Variants in DISP2 observed in about 807,000 individuals in gnomAD.
DISP2 encodes dispatched RND transporter family member 2, also known as protein dispatched homolog 2.
Under a neutral mutation model 95.5 loss-of-function variants are expected in DISP2, and 59 were observed. That is an observed-to-expected ratio of 0.62 (90% CI 0.50 to 0.77). DISP2 has a LOEUF of 0.77. Among genes scored for constraint, DISP2 ranks in the 30% least tolerant of loss-of-function variants. DISP2 has a pLI of 0.00. For missense variants in DISP2, 1,752 were observed against 1,854.6 expected (o/e 0.94, Z 1.02); for synonymous variants, 827 against 815.0 (o/e 1.01, Z -0.25).
At chr15:40,366,798 C>T (rs1889503454) in intron 7 of DISP2, among the ~76,000 whole-genome samples, 1 of 152,152 alleles carries the variant, frequency 6.6e-6, no homozygotes, top group African/African-American at 2.4e-5. Flanking sequence ...CTACAGGGGC[C>T]CTTACAGCAG....
rs1329999683 is a variant in DISP2 at position 40,358,263 on chromosome 15, G to A, written c.-59G>A. The stretch of plus-strand genomic sequence containing the variant: ...CGCCGCTGCCGCCGCCACCGCCGCC[G>A]CCGCCGCCGCCGCCGCGGCTTCAGC... On this transcript the variant is annotated 5_prime_UTR_variant, in exon 1 of 8. Transcript: ENST00000267889. 4 of 1,174,432 alleles carry A rather than the reference G, an allele frequency of 3.4e-6. No homozygotes were observed. The highest frequency in any genetic ancestry group is 7.6e-5 in the East Asian group (2 of 26,254). 72.8% of individuals were successfully genotyped at this position (1,174,432 alleles called of 1,614,324 possible). A position where few individuals can be genotyped will look rare whatever the true frequency, so the allele number is the denominator to read the frequency against.
chr15:40,374,014 A>AAAAAAAAAAAAAAAAAAAAATAT lies in DISP2; in HGVS notation c.*3697_*3698insAAAAAAAAAAAAAAAAAAATATA. 1.9e-5 allele frequency: 2 copies of AAAAAAAAAAAAAAAAAAAAATAT among 104,196 alleles called. No homozygotes were observed. Among genetic ancestry groups the AAAAAAAAAAAAAAAAAAAAATAT allele is most frequent in the African/African-American group, 8.4e-5 (2 of 23,942 alleles). 6.5% of individuals were successfully genotyped at this position (104,196 alleles called of 1,614,324 possible). A position where few individuals can be genotyped will look rare whatever the true frequency, so the allele number is the denominator to read the frequency against. ...GCGAGACTCCATCTTAAAAAAAAAAAATATATATATATATATATGTAAACT... is the reference window on the plus strand; with the variant it reads ...GCGAGACTCCATCTTAAAAAAAAAAAAAAAAAAAAAAAAAAAAAAATATATATATATATATATATATGTAAACT... On this transcript the variant is annotated 3_prime_UTR_variant, in exon 8 of 8. Coordinates refer to ENST00000267889, the MANE Select transcript of DISP2 (RefSeq NM_033510.3).
chr15:40,365,708 C>G lies in DISP2; in HGVS notation c.928C>G (p.Arg310Gly). ...CCTGCATGCCATCCATTCCATGTGT[C>G]GCATGGAACAGGACCAGGTGAGCTG... The part of the protein sequence containing the change: ...WNLHAIHSMC[R>G]MEQDQIRSHT... Residue 310 changes from arginine to glycine, a missense_variant, in exon 7 of 8, where the codon CGC (arginine) becomes GGC (glycine). By Grantham distance (125) the Arg-to-Gly change is moderately radical. Around this residue, in one of 5 missense-constraint regions of DISP2, gnomAD observed 732 missense variants for 714.6 expected, o/e 1.02. Transcript: ENST00000267889. The G allele has an allele frequency of 6.2e-7, 1 of 1,613,896 alleles. No individual in the cohort carries two copies. The highest frequency in any genetic ancestry group is 8.5e-7 in the Non-Finnish European group (1 of 1,179,976).
Position 40,367,732 on chromosome 15 carries a change from C to T in DISP2, c.1620C>T (p.Phe540=), listed in dbSNP as rs772217212. Reference sequence around the variant, plus strand: ...AGGTGGCCTTCCGCATGGCCTACTTCCCCTTCGTCAATCTGGCAGCCCTCC... The same window carrying T: ...AGGTGGCCTTCCGCATGGCCTACTTTCCCTTCGTCAATCTGGCAGCCCTCC... ...LYQVAFRMAY[F]PFVNLAALLL... The change falls in exon 8 of 8, where the codon TTC becomes TTT. Residue 540 remains phenylalanine (F), a synonymous_variant. Transcript: ENST00000267889. 5 of 1,613,104 alleles carry T rather than the reference C, an allele frequency of 3.1e-6. No individual in the cohort carries two copies. The highest frequency in any genetic ancestry group is 3.4e-6 in the Non-Finnish European group (4 of 1,180,020).
chr15:40,368,058 C>T lies in DISP2; in HGVS notation c.1946C>T (p.Ala649Val), dbSNP rs2141262468. 2.7e-6 allele frequency: 4 copies of T among 1,502,250 alleles called. No individual in the cohort carries two copies. Among genetic ancestry groups the T allele is most frequent in the Non-Finnish European group, 3.5e-6 (4 of 1,132,062 alleles). The allele number at this position is 1,502,250 out of a possible 1,614,324, so 93.1% of individuals were successfully genotyped here. ...GCCGTGCTCCACGAGCGCTACCTGGCGCGCGGCTGTGCGCGCCGGGCGCGG... is the reference window on the plus strand; with the variant it reads ...GCCGTGCTCCACGAGCGCTACCTGGTGCGCGGCTGTGCGCGCCGGGCGCGG... ...ASAVLHERYL[A>V]RGCARRARGR... The change falls in exon 8 of 8, where the codon GCG becomes GTG. Residue 649 changes from alanine (A) to valine (V), a missense_variant. By Grantham distance (64) the Ala-to-Val change is moderately conservative (BLOSUM62 0). This residue lies in a region of DISP2 where 732 missense variants were observed against 714.6 expected (regional missense o/e 1.02). Transcript: ENST00000267889.
chr15:40,367,076 T>C lies in DISP2; in HGVS notation c.964T>C (p.Phe322Leu). The C allele has an allele frequency of 6.2e-7, 1 of 1,611,308 alleles. No homozygotes were observed. The highest frequency in any genetic ancestry group is 8.5e-7 in the Non-Finnish European group (1 of 1,179,996). The change falls in exon 8 of 8, where the codon TTC becomes CTC. Residue 322 changes from phenylalanine (F) to leucine (L), a missense_variant. This residue lies in a region of DISP2 where 732 missense variants were observed against 714.6 expected (regional missense o/e 1.02). Transcript: ENST00000267889. ...EQDQIRSHTS[F>L]GALCQRTAAN... ...CCTACAGATCCGCTCCCATACCAGC[T>C]TCGGGGCTCTGTGCCAGCGGACAGC...
Position 40,364,717 on chromosome 15 carries a change from C to T in DISP2, c.604-121C>T, listed in dbSNP as rs896715411. 5.0e-6 allele frequency: 7 copies of T among 1,390,696 alleles called. No individual in the cohort carries two copies. The South Asian group carries it at 8.3e-5, about 17-fold the overall frequency. The allele number at this position is 1,390,696 out of a possible 1,614,324, so 86.1% of individuals were successfully genotyped here. Reference sequence around the variant, plus strand: ...GGTATAAAGTTCAGACTCACATCCACAATTCAGGCAGGCGGGCTGGCCTTC... The same window carrying T: ...GGTATAAAGTTCAGACTCACATCCATAATTCAGGCAGGCGGGCTGGCCTTC... On this transcript the variant is annotated intron_variant, in intron 4 of 7. Coordinates refer to ENST00000267889, the MANE Select transcript of DISP2 (RefSeq NM_033510.3).
chr15:40,364,844 G>C lies in DISP2; in HGVS notation c.610G>C (p.Glu204Gln). The change falls in exon 5 of 8, where the codon GAG becomes CAG. Residue 204 changes from glutamate to glutamine, a missense_variant. Glu to Gln is a conservative substitution (Grantham distance 29). Around this residue, in one of 5 missense-constraint regions of DISP2, gnomAD observed 342 missense variants for 364.3 expected, o/e 0.94. Coordinates refer to ENST00000267889, the MANE Select transcript of DISP2 (RefSeq NM_033510.3). ...PDFSKPLLGF[E>Q]PRDTDIGSKL... ...TCCACCCTCCTCCCTGCAGGGCTTT[G>C]AGCCACGGGACACAGACATTGGGAG... 1 of 1,613,984 alleles carries C rather than the reference G, an allele frequency of 6.2e-7. No individual in the cohort carries two copies. The highest frequency in any genetic ancestry group is 8.5e-7 in the Non-Finnish European group (1 of 1,179,938).
chr15:40,374,591 T>A lies in DISP2; in HGVS notation c.*4273T>A, dbSNP rs995556398. On this transcript the variant is annotated 3_prime_UTR_variant, in exon 8 of 8. Transcript: ENST00000267889. ...GATACATTGGTTTACAACCTTTGCC[T>A]ATCGTCCAGAGAGTTTCTGATCTTT... 12 of 135,496 alleles carry A rather than the reference T, an allele frequency of 8.9e-5. No individual in the cohort carries two copies. In the Admixed American group the frequency reaches 9.1e-4, roughly 10 times the overall value. 8.4% of individuals were successfully genotyped at this position (135,496 alleles called of 1,614,324 possible). A position where few individuals can be genotyped will look rare whatever the true frequency, so the allele number is the denominator to read the frequency against.
At position 40,367,895 on chromosome 15, in the gene DISP2, G is replaced by A; in HGVS notation, c.1783G>A (p.Val595Ile). 1 of 1,598,538 alleles carries A rather than the reference G, an allele frequency of 6.3e-7. No homozygotes were observed. Among genetic ancestry groups the A allele is most frequent in the Non-Finnish European group, 8.5e-7 (1 of 1,179,420 alleles). ...GCACCACTTCGGCTACCTGCTGCTG[G>A]TCTCCGGCCTCACCACGAGCGCGGC... The part of the protein sequence containing the change: ...TMHHFGYLLL[V>I]SGLTTSAAFY... Residue 595 changes from valine to isoleucine, a missense_variant, in exon 8 of 8, where the codon GTC becomes ATC. By Grantham distance (29) the Val-to-Ile change is conservative. Transcript: ENST00000267889.
Position 40,364,889 on chromosome 15 carries a change from G to C in DISP2, c.655G>C (p.Ala219Pro). 2 of 1,614,164 alleles carry C rather than the reference G, an allele frequency of 1.2e-6. No homozygotes were observed. Among genetic ancestry groups the C allele is most frequent in the Non-Finnish European group, 1.7e-6 (2 of 1,180,016 alleles). ...DIGSKLVVWR[A>P]LQALTGPRKL... ...TGGGAGCAAGTTAGTGGTCTGGAGAGCACTACAAGCCCTCACAGGCCCCAG... is the reference window on the plus strand; with the variant it reads ...TGGGAGCAAGTTAGTGGTCTGGAGACCACTACAAGCCCTCACAGGCCCCAG... Residue 219 changes from alanine (A) to proline (P), a missense_variant, in exon 5 of 8, where the codon GCA (alanine) becomes CCA (proline). This residue lies in a region of DISP2 where 342 missense variants were observed against 364.3 expected (regional missense o/e 0.94). Coordinates refer to ENST00000267889, the MANE Select transcript of DISP2 (RefSeq NM_033510.3).
At position 40,368,689 on chromosome 15, in the gene DISP2, C is replaced by T. The variant is rs754740398; in HGVS notation, c.2577C>T (p.Cys859=). ...SCARLGPDLC[C]GHSDFPWAPQ... ...CCCGCCTGGGGCCTGACCTCTGCTG[C>T]GGCCACTCGGACTTCCCCTGGGCCC... The change falls in exon 8 of 8, where the codon TGC becomes TGT. Residue 859 remains cysteine (C), a synonymous_variant. Coordinates refer to ENST00000267889, the MANE Select transcript of DISP2 (RefSeq NM_033510.3). The T allele has an allele frequency of 1.6e-4, 256 of 1,612,318 alleles. No individual in the cohort carries two copies. Among genetic ancestry groups the T allele is most frequent in the Non-Finnish European group, 2.1e-4 (246 of 1,180,018 alleles).
chr15:40,367,938 T>A lies in DISP2; in HGVS notation c.1826T>A (p.Leu609Gln). The A allele has an allele frequency of 6.3e-7, 1 of 1,588,148 alleles. No individual in the cohort carries two copies. Among genetic ancestry groups the A allele is most frequent in the Non-Finnish European group, 8.5e-7 (1 of 1,175,284 alleles). The change falls in exon 8 of 8, where the codon CTG becomes CAG. Residue 609 changes from leucine to glutamine, a missense_variant. Physicochemically the swap from Leu to Gln is moderately radical, Grantham distance 113. Transcript: ENST00000267889. Reference protein sequence around the residue: ...TTSAAFYASYLSRLPAVRCLA... With the variant: ...TTSAAFYASYQSRLPAVRCLA... ...AGCGCGGCCTTCTATGCCAGCTACC[T>A]GAGCCGCCTGCCGGCCGTTCGCTGC...
chr15:40,369,335 G>T lies in DISP2; in HGVS notation c.3223G>T (p.Val1075Leu). The T allele has an allele frequency of 6.2e-7, 1 of 1,613,300 alleles. No homozygotes were observed. The highest frequency in any genetic ancestry group is 8.5e-7 in the Non-Finnish European group (1 of 1,180,028). Reference protein sequence around the residue: ...VGAAALFAAGVLMLPATVLLY... With the variant: ...VGAAALFAAGLLMLPATVLLY... ...GGCTGCAGCCCTGTTTGCGGCAGGC[G>T]TGCTCATGCTGCCTGCCACAGTGCT... is the stretch of plus-strand genomic sequence containing the variant. Residue 1075 changes from valine to leucine, a missense_variant, in exon 8 of 8, where the codon GTG (valine) becomes TTG (leucine). Transcript: ENST00000267889.
At chr15:40,359,855 G>A (rs1037638772) in intron 1 of DISP2, among the ~76,000 whole-genome samples, 3 of 152,206 alleles carry the variant, frequency 2.0e-5, no homozygotes, top group Admixed American at 1.3e-4. Flanking sequence ...CACAACATGC[G>A]CATGTGCACA....
At chr15:40,358,629 C>T (rs1889359105) in intron 1 of DISP2, among the ~76,000 whole-genome samples, 189 bp downstream of exon 1, 1 of 152,108 alleles carries the variant, frequency 6.6e-6, no homozygotes, top group African/African-American at 2.4e-5. Flanking sequence ...TTCCTCGCTC[C>T]CTGACACCCC....
Position 40,370,032 on chromosome 15 carries a change from C to T in DISP2, c.3920C>T (p.Ala1307Val), listed in dbSNP as rs1889610457. Residue 1307 changes from alanine (A) to valine (V), a missense_variant, in exon 8 of 8, where the codon GCC (alanine) becomes GTC (valine). Transcript: ENST00000267889. ...TGCCTAAGCACCTCTGAGCCCAGTG[C>T]CCGTGTACCAGATTCCGTGGGTGTG... is the stretch of plus-strand genomic sequence containing the variant. Reference protein sequence around the residue: ...ETCLSTSEPSARVPDSVGVSP... With the variant: ...ETCLSTSEPSVRVPDSVGVSP... 1.9e-6 allele frequency: 3 copies of T among 1,613,996 alleles called. No homozygotes were observed. The highest frequency in any genetic ancestry group is 1.6e-4 in the Middle Eastern group (1 of 6,084).
Position 40,370,335 on chromosome 15 carries a change from C to T in DISP2, c.*17C>T. 1 of 1,517,906 alleles carries T rather than the reference C, an allele frequency of 6.6e-7. No individual in the cohort carries two copies. The highest frequency in any genetic ancestry group is 8.8e-7 in the Non-Finnish European group (1 of 1,134,060). The allele number at this position is 1,517,906 out of a possible 1,614,324, so 94.0% of individuals were successfully genotyped here. A position where few individuals can be genotyped will look rare whatever the true frequency, so the allele number is the denominator to read the frequency against. ...AGCAGCTGAGGGGGACCCGGGGAGG[C>T]TGGACAGGGCGCGGAACCCTGTCAT... is the stretch of plus-strand genomic sequence containing the variant. On this transcript the variant is annotated 3_prime_UTR_variant, in exon 8 of 8. Coordinates refer to ENST00000267889, the MANE Select transcript of DISP2 (RefSeq NM_033510.3).
chr15:40,369,648 G>A lies in DISP2; in HGVS notation c.3536G>A (p.Ser1179Asn), dbSNP rs1469565923. Residue 1179 changes from serine to asparagine, a missense_variant, in exon 8 of 8, where the codon AGC becomes AAC. Coordinates refer to ENST00000267889, the MANE Select transcript of DISP2 (RefSeq NM_033510.3). Reference sequence around the variant, plus strand: ...CGTCGGAGCCCCAGCTTTGACACCAGCACAGCCACCAGCAAGCTGTCCCAC... The same window carrying A: ...CGTCGGAGCCCCAGCTTTGACACCAACACAGCCACCAGCAAGCTGTCCCAC... Reference protein sequence around the residue: ...ARRRSPSFDTSTATSKLSHRP... With the variant: ...ARRRSPSFDTNTATSKLSHRP... The A allele has an allele frequency of 3.7e-6, 6 of 1,611,830 alleles. No homozygotes were observed. The highest frequency in any genetic ancestry group is 5.1e-6 in the Non-Finnish European group (6 of 1,179,962).
Sources: gnomAD v4.1 joint callset for allele counts (sites outside exome capture counted in the v4.1 genomes callset) on GRCh38, gnomAD v4.1.1 for gene constraint, gnomAD v4.1.1 regional missense constraint, MANE v1.5 for transcripts, NCBI Gene and HGNC (gene_info 2026-07-23, HGNC 2026-07-21) for gene names.